The following SFRP4 variants were observed in gnomAD, a reference collection of about 807,000 sequenced individuals.
SFRP4 encodes secreted frizzled related protein 4.
A neutral mutation model predicts 36.3 loss-of-function variants in SFRP4; 25 were observed. The observed-to-expected ratio is 0.69, with a 90% CI of 0.50 to 0.96. SFRP4 has a LOEUF of 0.96. Ranked by LOEUF, SFRP4 falls within the 40% of genes least tolerant of loss-of-function variation. The pLI, the probability that SFRP4 is intolerant of heterozygous loss-of-function variation, is 0.00. For missense variants in SFRP4, 487 were observed against 459.6 expected, an observed-to-expected ratio of 1.06 and a Z score of -0.54; for synonymous variants, 182 against 168.8, an observed-to-expected ratio of 1.08 and a Z score of -0.60.
rs143456210 is a variant in SFRP4 at position 37,914,132 on chromosome 7, T to C, written c.592+81A>G. On this transcript the variant is annotated intron_variant, in intron 3 of 5. Transcript: ENST00000436072. ...TGTTTTCTTTACTTTGTGACTAGCT[T>C]TAGTGAGAGCGACCTTATTGAGATT... 2.5e-4 allele frequency: 270 copies of C among 1,079,936 alleles called. No individual in the cohort carries two copies. In the African/African-American group the frequency reaches 3.7e-3, roughly 15 times the overall value. The allele number at this position is 1,079,936 out of a possible 1,614,324, so 66.9% of individuals were successfully genotyped here.
In SFRP4 at chr7:37,914,403, G is replaced by T; in HGVS notation, c.496C>A (p.Leu166Ile). 1 of 1,614,048 alleles carries T rather than the reference G, an allele frequency of 6.2e-7. No individual in the cohort carries two copies. Among genetic ancestry groups the T allele is most frequent in the South Asian group, 1.1e-5 (1 of 91,074 alleles). Residue 166 changes from leucine to isoleucine, a missense_variant, in exon 2 of 6, where the codon CTT (leucine) becomes ATT (isoleucine). Coordinates refer to ENST00000436072, the MANE Select transcript of SFRP4 (RefSeq NM_003014.4). ...TPDMMVQERP[L>I]DVDCKRLSPD... ...CTTAGGCGTTTACAGTCAACATCAA[G>T]AGGCCTTTCCTGTACCATCATGTCT... is the stretch of plus-strand genomic sequence containing the variant.
intron 5 of SFRP4, among the ~76,000 whole-genome samples, chr7:37,908,961 C>A (rs970289129): frequency 2.0e-5 from 3 of 151,302 alleles, no homozygotes; most frequent in Non-Finnish European, 2.9e-5. Flanking sequence ...CCTATAAACA[C>A]AAATTCTTCT....
At chr7:37,909,357 G>A (rs1562849214) in intron 5 of SFRP4, among the ~76,000 whole-genome samples, 1 of 152,054 alleles carries the variant, frequency 6.6e-6, no homozygotes, top group African/African-American at 2.4e-5. Flanking sequence ...GAAACAAAAG[G>A]CTCATTTAAC....
chr7:37,912,337 A>G lies in SFRP4; in HGVS notation c.593-20T>C. 1.2e-6 allele frequency: 2 copies of G among 1,604,220 alleles called. No homozygotes were observed. The highest frequency in any genetic ancestry group is 1.1e-5 in the South Asian group (1 of 90,836). On this transcript the variant is annotated intron_variant, in intron 3 of 5. Coordinates refer to ENST00000436072, the MANE Select transcript of SFRP4 (RefSeq NM_003014.4). ...GAATAACTGCAATTTAAAAATAGAT[A>G]AAAGTGTTGTTGAAGGTTTTGGGGA...
chr7:37,916,431 G>A lies in SFRP4; in HGVS notation c.107C>T (p.Pro36Leu). 1 of 1,614,022 alleles carries A rather than the reference G, an allele frequency of 6.2e-7. No individual in the cohort carries two copies. The highest frequency in any genetic ancestry group is 1.7e-5 in the Admixed American group (1 of 60,024). The part of the protein sequence containing the change: ...AVRIPMCRHM[P>L]WNITRMPNHL... ...GTTGGGCATCCGCGTGATGTTCCAG[G>A]GCATGTGCCGGCACATAGGGATGCG... Residue 36 changes from proline to leucine, a missense_variant, in exon 1 of 6, where the codon CCC becomes CTC. By Grantham distance (98) the Pro-to-Leu change is moderately conservative (BLOSUM62 -3). Coordinates refer to ENST00000436072, the MANE Select transcript of SFRP4 (RefSeq NM_003014.4). This position sits in a 1 kb window ranked among gnomAD's most constrained non-coding sequence, Gnocchi z 4.1.
At chr7:37,909,543 A>C in intron 5 of SFRP4, 74 bp downstream of exon 5, 1 of 819,318 alleles carries the variant, frequency 1.2e-6, no homozygotes, top group Non-Finnish European at 1.9e-6. Flanking sequence ...GAGAATGGGA[A>C]GAATTCCCCA....
rs780084181 is a variant in SFRP4 at position 37,916,213 on chromosome 7, C to T, written c.325G>A (p.Glu109Lys). The T allele has an allele frequency of 1.9e-6, 3 of 1,614,064 alleles. No homozygotes were observed. Among genetic ancestry groups the T allele is most frequent in the Non-Finnish European group, 2.5e-6 (3 of 1,180,054 alleles). ...SVCQRARDDC[E>K]PLMKMYNHSW... ...TGGTTGTACATCTTCATGAGGGGCT[C>T]GCAGTCGTCGCGCGCGCGTTGGCAC... is the stretch of plus-strand genomic sequence containing the variant. The change falls in exon 1 of 6, where the codon GAG (glutamate) becomes AAG (lysine). Residue 109 changes from glutamate to lysine, a missense_variant. By Grantham distance (56) the Glu-to-Lys change is moderately conservative. Transcript: ENST00000436072. The surrounding 1 kb of genome is among the most constrained non-coding windows in gnomAD (Gnocchi z 4.1).
rs1785399555 is a variant in SFRP4, at chr7:37,906,563, A to C, written c.*916T>G. 1 of 152,226 alleles carries C rather than the reference A, an allele frequency of 6.6e-6. No individual in the cohort carries two copies. The highest frequency in any genetic ancestry group is 1.5e-5 in the Non-Finnish European group (1 of 68,034). 9.4% of individuals were successfully genotyped at this position (152,226 alleles called of 1,614,324 possible). A position where few individuals can be genotyped will look rare whatever the true frequency, so the allele number is the denominator to read the frequency against. On this transcript the variant is annotated 3_prime_UTR_variant, in exon 6 of 6. Transcript: ENST00000436072. ...GAAGAAAACAAAATTTGGCACTCACATGAAGGCCATTTTTAAGCTTGTCAA... is the reference window on the plus strand; with the variant it reads ...GAAGAAAACAAAATTTGGCACTCACCTGAAGGCCATTTTTAAGCTTGTCAA...
chr7:37,910,823 G>C (rs1374668927), intron 4 of SFRP4, among the ~76,000 whole-genome samples: 2 of 152,108 alleles, frequency 1.3e-5, no homozygotes, highest in Admixed American at 6.5e-5. Context: ...CCTGTTTCAA[G>C]AGTTTTTCCT....
chr7:37,915,358 A>C (rs1785557435), intron 1 of SFRP4, among the ~76,000 whole-genome samples: 1 of 152,252 alleles, frequency 6.6e-6, no homozygotes, highest in Non-Finnish European at 1.5e-5. Context: ...AGATTCCAGC[A>C]CAGCAATATC....
chr7:37,916,489 G>C lies in SFRP4; in HGVS notation c.49C>G (p.Leu17Val). 1 of 1,612,598 alleles carries C rather than the reference G, an allele frequency of 6.2e-7. No homozygotes were observed. Among genetic ancestry groups the C allele is most frequent in the Non-Finnish European group, 8.5e-7 (1 of 1,179,574 alleles). The change falls in exon 1 of 6, where the codon CTG becomes GTG. Residue 17 changes from leucine (L) to valine (V), a missense_variant. Transcript: ENST00000436072. The surrounding 1 kb of genome is among the most constrained non-coding windows in gnomAD (Gnocchi z 4.1). ...TCGCAGGGCGCGCCGCGCACGCCCAGCGCCAGGTGCAGCCACAGGCACAGC... is the reference window on the plus strand; with the variant it reads ...TCGCAGGGCGCGCCGCGCACGCCCACCGCCAGGTGCAGCCACAGGCACAGC... ...VALCLWLHLA[L>V]GVRGAPCEAV...
intron 4 of SFRP4, 139 bp from the exon 5 acceptor site, chr7:37,909,819 C>T (rs576488496): frequency 4.1e-6 from 2 of 483,920 alleles, no homozygotes; most frequent in African/African-American, 2.0e-5. Context: ...TTGGTGTTTC[C>T]TTTCATTCCT....
rs1338837173 is a variant in SFRP4, at chr7:37,906,469, CA to C, written c.*1009del. On this transcript the variant is annotated 3_prime_UTR_variant, in exon 6 of 6. Transcript: ENST00000436072. ...AATTCTCATTTCAGAGGTGGAACCT[CA>C]ACTTTCCTCTCTGTACATTTATATT... 1.3e-5 allele frequency: 2 copies of C among 152,186 alleles called. No homozygotes were observed. Among genetic ancestry groups the C allele is most frequent in the African/African-American group, 4.8e-5 (2 of 41,434 alleles). The allele number at this position is 152,186 out of a possible 1,614,324, so 9.4% of individuals were successfully genotyped here. A position where few individuals can be genotyped will look rare whatever the true frequency, so the allele number is the denominator to read the frequency against.
At chr7:37,908,934 G>A (rs1021918913) in intron 5 of SFRP4, among the ~76,000 whole-genome samples, 23 of 152,104 alleles carry the variant, frequency 1.5e-4, no homozygotes, top group African/African-American at 5.3e-4. Context: ...ATAGGCAATA[G>A]CAATATGTTT....
At chr7:37,908,812 A>G (rs1268580110) in intron 5 of SFRP4, among the ~76,000 whole-genome samples, 3 of 152,228 alleles carry the variant, frequency 2.0e-5, no homozygotes, top group Admixed American at 6.5e-5. Flanking sequence ...TCTCTTATTC[A>G]GAAACGCACT....
In SFRP4 at chr7:37,907,151, A is replaced by G. The variant is rs913094515; in HGVS notation, c.*328T>C. 4.6e-5 allele frequency: 9 copies of G among 194,134 alleles called. No individual in the cohort carries two copies. Among genetic ancestry groups the G allele is most frequent in the Non-Finnish European group, 8.3e-5 (8 of 96,618 alleles). The allele number at this position is 194,134 out of a possible 1,614,324, so 12.0% of individuals were successfully genotyped here. ...ATATGGCATTTATTTTACAATGCAC[A>G]TATTAGGTCGAATTGTAACAAGCAT... On this transcript the variant is annotated 3_prime_UTR_variant, in exon 6 of 6. Transcript: ENST00000436072.
Position 37,912,256 on chromosome 7 carries a change from C to T in SFRP4, c.654G>A (p.Val218=), listed in dbSNP as rs777890549. ...AGGACTTGAAGATCTCTTTTACATC[C>T]ACCACCGTTGTGACCTCATTGCAGC... ...RSGCNEVTTV[V]DVKEIFKSSS... The change falls in exon 4 of 6, where the codon GTG becomes GTA. Residue 218 remains valine, a synonymous_variant. Transcript: ENST00000436072. 1 of 1,614,124 alleles carries T rather than the reference C, an allele frequency of 6.2e-7. No homozygotes were observed.
chr7:37,915,424 G>A (rs1785558709), intron 1 of SFRP4, among the ~76,000 whole-genome samples: 1 of 152,154 alleles, frequency 6.6e-6, no homozygotes, highest in Non-Finnish European at 1.5e-5. Context: ...ATAAAAGAAT[G>A]CAAAAATATT....
intron 1 of SFRP4, among the ~76,000 whole-genome samples, chr7:37,915,186 A>G (rs1785553969): frequency 6.6e-6 from 1 of 152,244 alleles, no homozygotes; most frequent in African/African-American, 2.4e-5. Context: ...GTTCACAGGT[A>G]TATAACCAAA....
Sources: gnomAD v4.1 joint callset for allele counts (sites outside exome capture counted in the v4.1 genomes callset) on GRCh38, gnomAD v4.1.1 for gene constraint, Gnocchi (gnomAD v3.1) non-coding constraint, MANE v1.5 for transcripts, NCBI Gene and HGNC (gene_info 2026-07-23, HGNC 2026-07-21) for gene names.